The following MAN1A1 variants were observed in gnomAD, a reference collection of about 807,000 sequenced individuals.
MAN1A1 encodes the protein mannosidase alpha class 1A member 1.
In MAN1A1, 29 loss-of-function variants were observed where a neutral mutation model predicts 70.8. That is an observed-to-expected ratio of 0.41 (90% CI 0.31 to 0.56). The LOEUF (loss-of-function observed/expected upper bound fraction) is 0.56. MAN1A1 is among the 20% of genes least tolerant of loss of function. The pLI, the probability that MAN1A1 is intolerant of heterozygous loss-of-function variation, is 0.29. For missense variants in MAN1A1, 747 were observed against 841.3 expected (o/e 0.89, Z 1.39); for synonymous variants, 349 against 330.1 (o/e 1.06, Z -0.62).
intron 6 of MAN1A1, among the ~76,000 whole-genome samples, chr6:119,212,112 T>G (rs1054071284): frequency 2.2e-4 from 33 of 151,920 alleles, no homozygotes; most frequent in African/African-American, 8.0e-4. Context: ...AGTGCTGGGA[T>G]TACAGGTGTG....
intron 5 of MAN1A1, among the ~76,000 whole-genome samples, chr6:119,279,703 T>A (rs1053196940): frequency 1.3e-5 from 2 of 152,216 alleles, no homozygotes; most frequent in African/African-American, 2.4e-5. Context: ...AGTTACCTAC[T>A]TGTATTCCTA....
intron 2 of MAN1A1, among the ~76,000 whole-genome samples, chr6:119,327,989 G>A (rs1365493787): frequency 2.6e-5 from 4 of 152,258 alleles, no homozygotes; most frequent in Admixed American, 6.5e-5. Context: ...TTGTAAAACA[G>A]ATTCTCCCCC....
chr6:119,186,981 G>T (rs974087295), intron 11 of MAN1A1, among the ~76,000 whole-genome samples: 1 of 152,090 alleles, frequency 6.6e-6, no homozygotes, highest in Non-Finnish European at 1.5e-5. Flanking sequence ...TTAAAGAGTT[G>T]ACAAGAAATA....
chr6:119,299,947 G>A (rs535666450), intron 4 of MAN1A1, among the ~76,000 whole-genome samples: 3 of 152,168 alleles, frequency 2.0e-5, no homozygotes, highest in East Asian at 1.9e-4. Flanking sequence ...TGCACAGGTC[G>A]TGAAAAGAAA....
At chr6:119,201,424 C>A in intron 7 of MAN1A1, 77 bp from the exon 8 acceptor site, 2 of 931,358 alleles carry the variant, frequency 2.1e-6, no homozygotes, top group African/African-American at 1.6e-5. Context: ...CTTGAACATA[C>A]AAGTTGACTT....
chr6:119,234,867 A>G (rs1774796974), intron 6 of MAN1A1, among the ~76,000 whole-genome samples: 1 of 152,106 alleles, frequency 6.6e-6, no homozygotes, highest in Non-Finnish European at 1.5e-5. Flanking sequence ...TATTGGTGCC[A>G]TTTTTCTAAC....
At chr6:119,315,354 A>G (rs1288984532) in intron 2 of MAN1A1, among the ~76,000 whole-genome samples, 1 of 152,152 alleles carries the variant, frequency 6.6e-6, no homozygotes, top group African/African-American at 2.4e-5. Flanking sequence ...TCTTTAGAAA[A>G]AGAGTCAGAA....
Position 119,348,853 on chromosome 6 carries a change from C to G in MAN1A1, c.213G>C (p.Gly71=). 6 of 1,521,596 alleles carry G rather than the reference C, an allele frequency of 3.9e-6. No individual in the cohort carries two copies. Among genetic ancestry groups the G allele is most frequent in the Non-Finnish European group, 5.3e-6 (6 of 1,136,452 alleles). 94.3% of individuals were successfully genotyped at this position (1,521,596 alleles called of 1,614,324 possible). A position where few individuals can be genotyped will look rare whatever the true frequency, so the allele number is the denominator to read the frequency against. ...AGGCGGGGCTGGAGTGGAACAGGACCCCGCTGAGCAGCTTGGAGGAGTCTG... is the reference window on the plus strand; with the variant it reads ...AGGCGGGGCTGGAGTGGAACAGGACGCCGCTGAGCAGCTTGGAGGAGTCTG... ...FLPDSSKLLS[G]VLFHSSPALQ... The change falls in exon 2 of 13, where the codon GGG becomes GGC. Residue 71 remains glycine (G), a synonymous_variant. Coordinates refer to ENST00000368468, the MANE Select transcript of MAN1A1 (RefSeq NM_005907.4).
chr6:119,196,116 G>A (rs537183184), intron 8 of MAN1A1, among the ~76,000 whole-genome samples: 5 of 152,148 alleles, frequency 3.3e-5, no homozygotes, highest in Non-Finnish European at 7.3e-5. Context: ...TTAAAGCAAT[G>A]AGAGCTGAAA....
chr6:119,348,487 G>A lies in MAN1A1; in HGVS notation c.579C>T (p.Arg193=), dbSNP rs1437722796. Reference sequence around the variant, plus strand: ...CCTCTTTGATCTTTGCCCTTTTCTCGCGGATGGCGGCGTCGGCGGGCTCCC... The same window carrying A: ...CCTCTTTGATCTTTGCCCTTTTCTCACGGATGGCGGCGTCGGCGGGCTCCC... ...ESREPADAAI[R]EKRAKIKEMM... Residue 193 remains arginine (R), a synonymous_variant, in exon 2 of 13, where the codon CGC becomes CGT. Coordinates refer to ENST00000368468, the MANE Select transcript of MAN1A1 (RefSeq NM_005907.4). 1 of 1,606,838 alleles carries A rather than the reference G, an allele frequency of 6.2e-7. No individual in the cohort carries two copies. The highest frequency in any genetic ancestry group is 1.3e-5 in the African/African-American group (1 of 74,674).
intron 5 of MAN1A1, among the ~76,000 whole-genome samples, chr6:119,252,828 C>T (rs1238282013): frequency 1.3e-5 from 2 of 151,920 alleles, no homozygotes; most frequent in Non-Finnish European, 2.9e-5. Context: ...GCAAAGGAGA[C>T]GAGAGCCTTG....
At chr6:119,292,494 A>G (rs1772066984) in intron 4 of MAN1A1, among the ~76,000 whole-genome samples, 1 of 152,052 alleles carries the variant, frequency 6.6e-6, no homozygotes, top group Non-Finnish European at 1.5e-5. Context: ...AAGGTCCTCA[A>G]GCTCACTTGA....
chr6:119,205,803 A>C (rs370337404), intron 6 of MAN1A1, among the ~76,000 whole-genome samples: 1 of 152,258 alleles, frequency 6.6e-6, no homozygotes, highest in East Asian at 1.9e-4. Flanking sequence ...TTTAGTTTAG[A>C]TGCACATTTA....
At position 119,348,498 on chromosome 6, in the gene MAN1A1, C is replaced by A; in HGVS notation, c.568G>T (p.Ala190Ser). 1 of 1,608,852 alleles carries A rather than the reference C, an allele frequency of 6.2e-7. No homozygotes were observed. The highest frequency in any genetic ancestry group is 1.3e-5 in the African/African-American group (1 of 74,910). ...TTTGCCCTTTTCTCGCGGATGGCGG[C>A]GTCGGCGGGCTCCCGGCTCTCCACC... The part of the protein sequence containing the change: ...IGVESREPAD[A>S]AIREKRAKIK... The change falls in exon 2 of 13, where the codon GCC becomes TCC. Residue 190 changes from alanine to serine, a missense_variant. Ala to Ser is a moderately conservative substitution (Grantham distance 99). Around this residue, in one of 2 missense-constraint regions of MAN1A1, gnomAD observed 328 missense variants for 293.1 expected, o/e 1.12. Transcript: ENST00000368468.
At chr6:119,321,993 T>C (rs1278848208) in intron 2 of MAN1A1, among the ~76,000 whole-genome samples, 1 of 152,156 alleles carries the variant, frequency 6.6e-6, no homozygotes, top group Non-Finnish European at 1.5e-5. Flanking sequence ...CCCACTCCTA[T>C]AGAACTCACA....
At chr6:119,340,960 C>A (rs570164231) in intron 2 of MAN1A1, among the ~76,000 whole-genome samples, 2 of 152,032 alleles carry the variant, frequency 1.3e-5, no homozygotes, top group African/African-American at 2.4e-5. Flanking sequence ...GAAACACGAG[C>A]GAGAAGGAGT....
rs1043206894 is a variant in MAN1A1, at chr6:119,238,443, T to C, written c.992+9817A>G. On this transcript the variant is annotated intron_variant, in intron 6 of 12. Coordinates refer to ENST00000368468, the MANE Select transcript of MAN1A1 (RefSeq NM_005907.4). ...GTATAATGAACTCGAACACAGCTATTTGAAATGATACCCATCTTAAAATGG... is the reference window on the plus strand; with the variant it reads ...GTATAATGAACTCGAACACAGCTATCTGAAATGATACCCATCTTAAAATGG... Among the ~76,000 whole-genome samples the C allele has an allele frequency of 1.1e-4, 16 of 152,242 alleles. 2 individuals carry two copies. The highest frequency in any genetic ancestry group is 1.0e-3 in the Admixed American group (16 of 15,282).
At chr6:119,257,710 A>C (rs1775498052) in intron 5 of MAN1A1, among the ~76,000 whole-genome samples, 1 of 152,156 alleles carries the variant, frequency 6.6e-6, no homozygotes, top group Admixed American at 6.5e-5. Context: ...AAGTTAAAAA[A>C]GGGAGAGGAA....
chr6:119,346,292 T>C (rs988578541), intron 2 of MAN1A1, among the ~76,000 whole-genome samples: 1 of 152,242 alleles, frequency 6.6e-6, no homozygotes, highest in African/African-American at 2.4e-5. Context: ...CAGCACAGTT[T>C]TTAGAACAGC....
Sources: allele counts gnomAD v4.1 joint callset (sites outside exome capture counted in the v4.1 genomes callset), GRCh38; gene constraint gnomAD v4.1.1; regional missense constraint gnomAD v4.1.1; transcripts MANE v1.5; gene names NCBI Gene and HGNC (gene_info 2026-07-23, HGNC 2026-07-21).